EIF2S3B: variants seen among roughly 807,000 people sequenced by gnomAD.
EIF2S3B encodes eukaryotic translation initiation factor 2 subunit 3B.
In EIF2S3B, 16 loss-of-function variants were observed where a neutral mutation model predicts 26.4. The observed-to-expected ratio is 0.61, with a 90% CI of 0.41 to 0.92. The LOEUF is 0.92. EIF2S3B is among the 40% of genes least tolerant of loss of function. The probability of loss-of-function intolerance (pLI) is 0.00; values close to 1 mark genes in which losing one functional copy is unlikely to be tolerated. For synonymous variants in EIF2S3B, 183 were observed against 204.4 expected, an observed-to-expected ratio of 0.90 and a Z score of 0.89; for missense variants, 510 against 575.5, an observed-to-expected ratio of 0.89 and a Z score of 1.16.
rs1443856483 is a variant in EIF2S3B at position 10,506,483 on chromosome 12, T to C, written c.581T>C (p.Leu194Ser). Residue 194 changes from leucine to serine, a missense_variant, in exon 1 of 1, where the codon TTG becomes TCG. By Grantham distance (145) the Leu-to-Ser change is moderately radical (BLOSUM62 -2). Transcript: ENST00000538173. ...HILILQNKID[L>S]VKERQAKEQY... ...TTGATTCTACAAAATAAAATTGATTTGGTAAAAGAAAGGCAGGCTAAAGAA... is the reference window on the plus strand; with the variant it reads ...TTGATTCTACAAAATAAAATTGATTCGGTAAAAGAAAGGCAGGCTAAAGAA... 10 of 1,609,980 alleles carry C rather than the reference T, an allele frequency of 6.2e-6. No homozygotes were observed. Among genetic ancestry groups the C allele is most frequent in the Non-Finnish European group, 8.5e-6 (10 of 1,176,160 alleles).
rs1421554318 is a variant in EIF2S3B, at chr12:10,507,786, C to T, written c.*465C>T. Among the ~76,000 whole-genome samples, 11 of 152,006 alleles carry T rather than the reference C, an allele frequency of 7.2e-5. No homozygotes were observed. The highest frequency in any genetic ancestry group is 2.1e-4 in the South Asian group (1 of 4,814). On this transcript the variant is annotated 3_prime_UTR_variant, in exon 1 of 1. Transcript: ENST00000538173. The stretch of plus-strand genomic sequence containing the variant: ...TTTTGTATTAGTAGAGACGGGGTTT[C>T]GGCATGTTGGCCAGGCCAGTCTCTC...
chr12:10,520,276 C>T (rs1453326086), intron 1 of EIF2S3B, among the ~76,000 whole-genome samples: 10 of 149,054 alleles, frequency 6.7e-5, no homozygotes, highest in East Asian at 2.0e-4. Flanking sequence ...AACCAAACAC[C>T]GCATGTTCTC....
At chr12:10,510,538 C>G (rs1864694301), downstream of EIF2S3B, among the ~76,000 whole-genome samples, 1 of 152,110 alleles carries the variant, frequency 6.6e-6, no homozygotes, top group African/African-American at 2.4e-5. Context: ...GAGGCACAGC[C>G]TTTTTCTTGA....
intron 1 of EIF2S3B, among the ~76,000 whole-genome samples, chr12:10,517,610 T>C (rs1864772891): frequency 6.6e-6 from 1 of 152,210 alleles, no homozygotes; most frequent in Non-Finnish European, 1.5e-5. Context: ...CTCTATTTCC[T>C]TCAGTTCTGC....
At chr12:10,514,248 A>ATT (rs61248226) in intron 1 of EIF2S3B, among the ~76,000 whole-genome samples, 29,336 of 150,906 alleles carry the variant, frequency 0.19, 3,307 homozygotes, top group Middle Eastern at 0.28. Flanking sequence ...TCAAAATATC[A>ATT]TTTTTTTTTG....
At chr12:10,523,107 T>A (rs1864850291) in exon 2 of EIF2S3B, 1 of 152,172 alleles carries the variant, frequency 6.6e-6, no homozygotes, top group South Asian at 2.1e-4. Flanking sequence ...ATTCTGATGT[T>A]TAAAAAATAA....
At chr12:10,522,691 T>C in exon 2 of EIF2S3B, 1 of 691,082 alleles carries the variant, frequency 1.4e-6, no homozygotes. Flanking sequence ...GCAGCAAACT[T>C]CTAGGAAATC....
downstream of EIF2S3B, among the ~76,000 whole-genome samples, chr12:10,511,397 T>G (rs1864703095): frequency 6.6e-6 from 1 of 152,106 alleles, no homozygotes; most frequent in Non-Finnish European, 1.5e-5. Flanking sequence ...GCTCAAGTGA[T>G]CTACCTGCAT....
At chr12:10,518,761 T>A (rs948403027) in intron 1 of EIF2S3B, among the ~76,000 whole-genome samples, 4 of 151,622 alleles carry the variant, frequency 2.6e-5, no homozygotes, top group Non-Finnish European at 5.9e-5. Flanking sequence ...CATTCACAAT[T>A]GCTTCAAAGA....
chr12:10,506,938 A>G lies in EIF2S3B; in HGVS notation c.1036A>G (p.Thr346Ala). The change falls in exon 1 of 1, where the codon ACT becomes GCT. Residue 346 changes from threonine (T) to alanine (A), a missense_variant. Coordinates refer to ENST00000538173, the MANE Select transcript of EIF2S3B (RefSeq NM_001357734.3). The stretch of plus-strand genomic sequence containing the variant: ...TGGAGTTGGAACAAAAATTGACCCC[A>G]CTTTGTGCCGGGCTGACAGAATGGT... ...LIGVGTKIDP[T>A]LCRADRMVGQ... The G allele has an allele frequency of 6.2e-7, 1 of 1,613,848 alleles. No individual in the cohort carries two copies. The highest frequency in any genetic ancestry group is 8.5e-7 in the Non-Finnish European group (1 of 1,179,712).
chr12:10,520,110 C>A (rs1206098406), intron 1 of EIF2S3B, among the ~76,000 whole-genome samples: 242 of 125,012 alleles, frequency 1.9e-3, no homozygotes, highest in South Asian at 4.8e-3. Flanking sequence ...GGAACCAACC[C>A]AAATGTCCAA....
At chr12:10,512,925 A>G (rs528737786), downstream of EIF2S3B, among the ~76,000 whole-genome samples, 5 of 152,294 alleles carry the variant, frequency 3.3e-5, no homozygotes, top group Admixed American at 3.3e-4. Context: ...ATTATTCACA[A>G]TATTTCATTC....
chr12:10,511,487 G>T (rs573016729), downstream of EIF2S3B, among the ~76,000 whole-genome samples: 43 of 152,174 alleles, frequency 2.8e-4, no homozygotes, highest in African/African-American at 9.6e-4. Context: ...CAAAGTGAAT[G>T]ATGTTGATGA....
At chr12:10,520,888 G>T (rs1173192698) in intron 1 of EIF2S3B, among the ~76,000 whole-genome samples, 1 of 152,090 alleles carries the variant, frequency 6.6e-6, no homozygotes, top group East Asian at 1.9e-4. Flanking sequence ...ATTTGTCAGG[G>T]AATATCAGAA....
chr12:10,506,049 TG>T lies in EIF2S3B; in HGVS notation c.148del (p.Val50Ter). 1 of 1,603,384 alleles carries T rather than the reference TG, an allele frequency of 6.2e-7. No homozygotes were observed. The highest frequency in any genetic ancestry group is 1.7e-5 in the Admixed American group (1 of 60,016). On this transcript the variant is annotated frameshift_variant, in exon 1 of 1. Transcript: ENST00000538173. LOFTEE classifies it high-confidence loss of function. ...CAATTAATATAGGTACAATTGGTCA[TG>T]TAGCTCATGGGAAATCCACAGTCGT... ...ATINIGTIGH[V>X]AHGKSTVVKA... is the part of the protein sequence containing the mutation.
chr12:10,507,367 A>T lies in EIF2S3B; in HGVS notation c.*46A>T, dbSNP rs766280712. 3 of 1,604,388 alleles carry T rather than the reference A, an allele frequency of 1.9e-6. No individual in the cohort carries two copies. The African/African-American group carries it at 4.0e-5, about 22-fold the overall frequency. ...CATTCGGATGGAGCTGGAAGTTGCA[A>T]TTTCTCTTTAACAACCAAGGGGTTT... On this transcript the variant is annotated 3_prime_UTR_variant, in exon 1 of 1. Coordinates refer to ENST00000538173, the MANE Select transcript of EIF2S3B (RefSeq NM_001357734.3).
rs199779592 is a variant in EIF2S3B at position 10,506,741 on chromosome 12, G to A, written c.839G>A (p.Gly280Asp). 8,819 of 1,614,002 alleles carry A rather than the reference G, an allele frequency of 5.5e-3. 30 individuals carry two copies. Among genetic ancestry groups the A allele is most frequent in the Non-Finnish European group, 6.9e-3 (8,166 of 1,179,870 alleles). Residue 280 changes from glycine (G) to aspartate (D), a missense_variant, in exon 1 of 1, where the codon GGT becomes GAT. Gly to Asp is a moderately conservative substitution (Grantham distance 94). Transcript: ENST00000538173. Reference protein sequence around the residue: ...EVDDLKGGVAGGSILKGVLKV... With the variant: ...EVDDLKGGVADGSILKGVLKV... ...GATGACCTTAAGGGAGGTGTAGCTG[G>A]TGGTAGTATCCTAAAAGGAGTATTA...
At chr12:10,515,740 A>G (rs908020055) in intron 1 of EIF2S3B, among the ~76,000 whole-genome samples, 2 of 151,832 alleles carry the variant, frequency 1.3e-5, no homozygotes, top group African/African-American at 4.8e-5. Context: ...TGCAAACCCC[A>G]TTTTACACAC....
chr12:10,518,467 A>G (rs1425770743), intron 1 of EIF2S3B, among the ~76,000 whole-genome samples: 1 of 151,950 alleles, frequency 6.6e-6, no homozygotes, highest in African/African-American at 2.4e-5. Context: ...ATCTTCCTCC[A>G]TTCTTTTATT....
Sources: gnomAD v4.1 joint callset for allele counts (sites outside exome capture counted in the v4.1 genomes callset) on GRCh38, gnomAD v4.1.1 for gene constraint, MANE v1.5 for transcripts, NCBI Gene and HGNC (gene_info 2026-07-23, HGNC 2026-07-21) for gene names.